Variants in SLC38A12 observed in about 807,000 individuals in gnomAD.
The protein encoded by SLC38A12 is solute carrier family 38 member 12.
At chr17:74,779,800 A>G in the SLC38A12 span, among the ~76,000 whole-genome samples, 1 of 152,322 alleles carries the variant, frequency 6.6e-6, no homozygotes, top group Non-Finnish European at 1.5e-5. Context: ...CTATTGCCCC[A>G]TTCATTTTGA....
the SLC38A12 span, among the ~76,000 whole-genome samples, chr17:74,818,029 C>T: frequency 3.9e-5 from 6 of 152,200 alleles, no homozygotes; most frequent in Admixed American, 2.0e-4. Flanking sequence ...ACATCTCCCT[C>T]TTCATCCTTC....
At chr17:74,785,832 T>C in the SLC38A12 span, among the ~76,000 whole-genome samples, 3 of 152,230 alleles carry the variant, frequency 2.0e-5, no homozygotes, top group Non-Finnish European at 4.4e-5. Flanking sequence ...GATAAAAACC[T>C]GGACATCCAC....
the SLC38A12 span, among the ~76,000 whole-genome samples, chr17:74,812,639 G>A: frequency 7.2e-5 from 11 of 151,930 alleles, no homozygotes; most frequent in Admixed American, 5.2e-4. Context: ...TCGGCTGTGC[G>A]ATTTGTGCGC....
chr17:74,814,658 G>A, the SLC38A12 span, among the ~76,000 whole-genome samples: 4 of 152,334 alleles, frequency 2.6e-5, no homozygotes, highest in Middle Eastern at 3.4e-3. Context: ...CCCCGCAGGA[G>A]GCATGGAAAA....
chr17:74,834,847 C>T, the SLC38A12 span, among the ~76,000 whole-genome samples: 21 of 152,358 alleles, frequency 1.4e-4, no homozygotes, highest in Middle Eastern at 3.4e-3. Flanking sequence ...AGAACAGACA[C>T]GGACACTGGT....
the SLC38A12 span, among the ~76,000 whole-genome samples, chr17:74,826,300 GCTGCCACCTC>G: frequency 4.8e-3 from 736 of 152,358 alleles, 5 homozygotes; most frequent in African/African-American, 0.017. Flanking sequence ...TCACCAGGCT[GCTGCCACCTC>G]CTGCCACCCT....
At chr17:74,804,577 C>T in the SLC38A12 span, among the ~76,000 whole-genome samples, 1 of 152,226 alleles carries the variant, frequency 6.6e-6, no homozygotes, top group Non-Finnish European at 1.5e-5. Context: ...GACCAAGGAA[C>T]ATTTTCATAA....
the SLC38A12 span, among the ~76,000 whole-genome samples, chr17:74,810,064 C>T: frequency 3.3e-5 from 5 of 152,200 alleles, no homozygotes; most frequent in African/African-American, 1.2e-4. Context: ...CTGGGACCTT[C>T]ACTTTTGGCT....
the SLC38A12 span, among the ~76,000 whole-genome samples, chr17:74,806,168 G>A: frequency 8.5e-5 from 13 of 152,142 alleles, no homozygotes; most frequent in Admixed American, 5.2e-4. Flanking sequence ...TGTCACTTGC[G>A]ACACAGCCCA....
At chr17:74,790,731 G>C in the SLC38A12 span, among the ~76,000 whole-genome samples, 1 of 148,736 alleles carries the variant, frequency 6.7e-6, no homozygotes, top group Non-Finnish European at 1.5e-5. Context: ...TCTGACGCCT[G>C]CTCTCCCTTT....
chr17:74,820,897 C>T, the SLC38A12 span, among the ~76,000 whole-genome samples: 6 of 152,222 alleles, frequency 3.9e-5, no homozygotes, highest in African/African-American at 7.2e-5. Context: ...CTTCCAGCAG[C>T]TTGACATCTG....
At chr17:74,799,775 T>C in the SLC38A12 span, among the ~76,000 whole-genome samples, 33 of 152,312 alleles carry the variant, frequency 2.2e-4, 1 homozygote, top group South Asian at 6.6e-3. Context: ...CTTTGTCCAT[T>C]TGCAACACTT....
the SLC38A12 span, among the ~76,000 whole-genome samples, chr17:74,829,412 G>A: frequency 5.3e-5 from 8 of 152,168 alleles, no homozygotes; most frequent in African/African-American, 1.9e-4. The surrounding 1 kb of genome is among the most constrained non-coding windows in gnomAD (Gnocchi z 4.1). Context: ...GAAATCCAGT[G>A]TGTTTTACAC....
At chr17:74,818,575 A>C in the SLC38A12 span, among the ~76,000 whole-genome samples, 1 of 152,090 alleles carries the variant, frequency 6.6e-6, no homozygotes, top group South Asian at 2.1e-4. Flanking sequence ...CCTACCTGTC[A>C]GTCACAGGGG....
chr17:74,837,185 G>T, the SLC38A12 span: 2 of 986,012 alleles, frequency 2.0e-6, no homozygotes, highest in African/African-American at 3.5e-5. Flanking sequence ...AGCCAGGTCT[G>T]CCTGTGACGG....
At chr17:74,834,648 C>T in the SLC38A12 span, among the ~76,000 whole-genome samples, 3 of 152,156 alleles carry the variant, frequency 2.0e-5, no homozygotes, top group African/African-American at 2.4e-5. Context: ...TGGGGCTCTG[C>T]GGGGGGCCCC....
At chr17:74,816,332 G>A in the SLC38A12 span, among the ~76,000 whole-genome samples, 1 of 152,242 alleles carries the variant, frequency 6.6e-6, no homozygotes, top group Non-Finnish European at 1.5e-5. Context: ...AGAGAGCAAG[G>A]AAAGAGTCAG....
chr17:74,801,994 C>T, the SLC38A12 span, among the ~76,000 whole-genome samples: 4 of 152,234 alleles, frequency 2.6e-5, no homozygotes, highest in Admixed American at 6.5e-5. Context: ...CCACCCATTC[C>T]TCCGCCACTG....
At chr17:74,784,847 A>G in the SLC38A12 span, among the ~76,000 whole-genome samples, 1 of 152,098 alleles carries the variant, frequency 6.6e-6, no homozygotes, top group Non-Finnish European at 1.5e-5. Flanking sequence ...GGGGTGATAA[A>G]ATGGAATTAG....
Sources: gnomAD v4.1 joint callset for allele counts (sites outside exome capture counted in the v4.1 genomes callset) on GRCh38, gnomAD v4.1.1 for gene constraint, Gnocchi (gnomAD v3.1) non-coding constraint, MANE v1.5 for transcripts, NCBI Gene and HGNC (gene_info 2026-07-23, HGNC 2026-07-21) for gene names.